The following ATP10B variants were observed in gnomAD, a reference collection of about 807,000 sequenced individuals.
ATP10B encodes phospholipid-transporting ATPase VB.
Under a neutral mutation model 141.2 loss-of-function variants are expected in ATP10B, and 122 were observed. The observed-to-expected ratio is 0.86, with a 90% CI of 0.75 to 1.00. The LOEUF (loss-of-function observed/expected upper bound fraction) is 1.00, where lower values mean the gene tolerates loss of function less well. ATP10B is among the 50% of genes least tolerant of loss of function. The pLI is 0.00. For synonymous variants in ATP10B, 685 were observed against 692.0 expected (o/e 0.99, Z 0.16); for missense variants, 1,876 against 1,825.3 (o/e 1.03, Z -0.51).
At chr5:160,850,017 C>T (rs1213176025) in intron 1 of ATP10B, among the ~76,000 whole-genome samples, 2 of 152,132 alleles carry the variant, frequency 1.3e-5, no homozygotes, top group African/African-American at 4.8e-5. Flanking sequence ...GAATCAGTCT[C>T]AGGAATCCAA....
the ATP10B span, among the ~76,000 whole-genome samples, chr5:160,918,371 G>A: frequency 2.0e-5 from 3 of 152,326 alleles, no homozygotes; most frequent in African/African-American, 4.8e-5. Flanking sequence ...GGCAGGGAAG[G>A]CTTCCGTGTG....
chr5:160,592,592 G>A (rs559754882), intron 22 of ATP10B, among the ~76,000 whole-genome samples: 1 of 152,332 alleles, frequency 6.6e-6, no homozygotes, highest in South Asian at 2.1e-4. Flanking sequence ...CACCATGCAC[G>A]AGCCAAAGCA....
At chr5:160,917,101 T>C in the ATP10B span, among the ~76,000 whole-genome samples, 1 of 152,064 alleles carries the variant, frequency 6.6e-6, no homozygotes, top group South Asian at 2.1e-4. Flanking sequence ...GCATCTCTTC[T>C]ACCTTATACC....
At chr5:160,635,232 T>C (rs1759273694) in intron 11 of ATP10B, among the ~76,000 whole-genome samples, 1 of 151,996 alleles carries the variant, frequency 6.6e-6, no homozygotes, top group Non-Finnish European at 1.5e-5. Context: ...GGGTGTGAGT[T>C]GTGAGGTTAT....
chr5:160,883,789 AAC>A, the ATP10B span, among the ~76,000 whole-genome samples: 2 of 152,192 alleles, frequency 1.3e-5, no homozygotes, highest in African/African-American at 4.8e-5. Flanking sequence ...AAAGAGTGTT[AAC>A]AAAAGTATTC....
intron 1 of ATP10B, among the ~76,000 whole-genome samples, chr5:160,838,216 T>C (rs1391697933): frequency 1.3e-5 from 2 of 152,192 alleles, no homozygotes; most frequent in Non-Finnish European, 2.9e-5. Flanking sequence ...CCTCACATCA[T>C]ACACATTTTA....
intron 6 of ATP10B, among the ~76,000 whole-genome samples, chr5:160,682,600 A>AACAGGACCAGGCTCACTGCAGCCC (rs1400030194): frequency 6.6e-6 from 1 of 152,138 alleles, no homozygotes; most frequent in African/African-American, 2.4e-5. Context: ...GAGCGAGGAG[A>AACAGGACCAGGCTCACTGCAGCCC]ACAGGACCAG....
chr5:160,909,109 G>A, the ATP10B span, among the ~76,000 whole-genome samples: 1 of 152,140 alleles, frequency 6.6e-6, no homozygotes, highest in African/African-American at 2.4e-5. Flanking sequence ...GTCAGACAAA[G>A]AAAGGCAATT....
rs544058117 is a variant in ATP10B, at chr5:160,818,603, G to T, written c.-575-32800C>A. Among the ~76,000 whole-genome samples the T allele has an allele frequency of 1.4e-3, 210 of 152,274 alleles. 1 individual carries two copies. Among genetic ancestry groups the T allele is most frequent in the Non-Finnish European group, 1.4e-3 (93 of 68,026 alleles). Reference sequence around the variant, plus strand: ...GAAGTCAGTGTGGCAATTCCTCAGGGTTCTAGAACTAGAAATACCATTTGA... The same window carrying T: ...GAAGTCAGTGTGGCAATTCCTCAGGTTTCTAGAACTAGAAATACCATTTGA... On this transcript the variant is annotated intron_variant, in intron 1 of 25. Transcript: ENST00000327245.
At chr5:160,839,821 A>G (rs1775703297) in intron 1 of ATP10B, among the ~76,000 whole-genome samples, 1 of 152,118 alleles carries the variant, frequency 6.6e-6, no homozygotes, top group Non-Finnish European at 1.5e-5. Flanking sequence ...TGAAAACAAT[A>G]AGGAAGTAGG....
At chr5:160,893,263 C>T in the ATP10B span, among the ~76,000 whole-genome samples, 13 of 152,282 alleles carry the variant, frequency 8.5e-5, no homozygotes, top group South Asian at 1.5e-3. Flanking sequence ...GCAGATCCCA[C>T]CCCTACAGAG....
intron 1 of ATP10B, among the ~76,000 whole-genome samples, chr5:160,831,300 G>T (rs1775066238): frequency 6.6e-6 from 1 of 152,094 alleles, no homozygotes; most frequent in East Asian, 1.9e-4. Context: ...AATTTTCCTT[G>T]TTTAACTGCA....
At chr5:160,664,317 C>T (rs2127717800) in intron 7 of ATP10B, among the ~76,000 whole-genome samples, 1 of 152,272 alleles carries the variant, frequency 6.6e-6, no homozygotes, top group South Asian at 2.1e-4. Context: ...ATAAATTTCT[C>T]CCTATTGGAT....
chr5:160,659,452 A>G (rs906534469), intron 7 of ATP10B, among the ~76,000 whole-genome samples: 5 of 152,006 alleles, frequency 3.3e-5, no homozygotes, highest in Non-Finnish European at 7.3e-5. Context: ...GCAACAGTGC[A>G]AGGCTCCGTC....
chr5:160,630,868 G>C (rs1021550856), intron 13 of ATP10B, among the ~76,000 whole-genome samples: 2 of 152,226 alleles, frequency 1.3e-5, no homozygotes, highest in Non-Finnish European at 2.9e-5. Context: ...CCCAAAGTTA[G>C]ATGAGTAATG....
chr5:160,827,140 C>G (rs993332126), intron 1 of ATP10B, among the ~76,000 whole-genome samples: 3 of 152,176 alleles, frequency 2.0e-5, no homozygotes, highest in African/African-American at 7.2e-5. Flanking sequence ...TTTTGCAGCT[C>G]AGGTGGGCAT....
At chr5:160,822,585 C>A (rs929119247) in intron 1 of ATP10B, among the ~76,000 whole-genome samples, 1 of 152,006 alleles carries the variant, frequency 6.6e-6, no homozygotes, top group Non-Finnish European at 1.5e-5. Flanking sequence ...GCAGTATTTA[C>A]AATAGGTAAG....
intron 22 of ATP10B, among the ~76,000 whole-genome samples, chr5:160,594,487 G>A (rs1319041667): frequency 1.3e-5 from 2 of 152,074 alleles, no homozygotes; most frequent in Non-Finnish European, 2.9e-5. Flanking sequence ...CAACTAACAA[G>A]CAAAATAACC....
At chr5:160,682,280 T>G (rs1164784261) in intron 6 of ATP10B, among the ~76,000 whole-genome samples, 1 of 152,214 alleles carries the variant, frequency 6.6e-6, no homozygotes, top group Non-Finnish European at 1.5e-5. Context: ...AGGGCCAGCA[T>G]ATATAATTTG....
Sources: gnomAD v4.1 joint callset for allele counts (sites outside exome capture counted in the v4.1 genomes callset) on GRCh38, gnomAD v4.1.1 for gene constraint, MANE v1.5 for transcripts, NCBI Gene and HGNC (gene_info 2026-07-23, HGNC 2026-07-21) for gene names.